FGGY: variants seen among roughly 807,000 people sequenced by gnomAD.
FGGY encodes FGGY carbohydrate kinase domain containing.
FGGY carries 72 observed loss-of-function variants against 71.3 expected under a neutral mutation model. That is an observed-to-expected ratio of 1.01 (90% CI 0.84 to 1.23). The LOEUF is 1.23. Ranked by LOEUF, FGGY falls within the 50% of genes most tolerant of loss-of-function variation. FGGY has a pLI of 0.00. For missense variants in FGGY, 668 were observed against 682.3 expected, an observed-to-expected ratio of 0.98 and a Z score of 0.23; for synonymous variants, 251 against 250.3, an observed-to-expected ratio of 1.00 and a Z score of -0.02.
At chr1:59,316,943 T>G (rs992621256) in intron 1 of FGGY, among the ~76,000 whole-genome samples, 1 of 152,166 alleles carries the variant, frequency 6.6e-6, no homozygotes, top group African/African-American at 2.4e-5. Flanking sequence ...CTAAGAAGAA[T>G]GAAATGAAAC....
At chr1:59,679,407 A>G (rs1197958628) in intron 14 of FGGY, among the ~76,000 whole-genome samples, 1 of 151,424 alleles carries the variant, frequency 6.6e-6, no homozygotes, top group Admixed American at 6.6e-5. Flanking sequence ...TAGTTTCCAG[A>G]GGTTAGAAAA....
At chr1:59,399,760 G>A (rs781249496) in intron 5 of FGGY, among the ~76,000 whole-genome samples, 4 of 152,246 alleles carry the variant, frequency 2.6e-5, no homozygotes, top group African/African-American at 4.8e-5. Context: ...CACTTCTTAA[G>A]AATGGATTCT....
rs143506739 is a variant in FGGY, at chr1:59,507,620, C to T, written c.671-4691C>T. 4.5e-3 allele frequency among the ~76,000 whole-genome samples: 676 copies of T among 151,452 alleles called. 4 individuals carry two copies. The highest frequency in any genetic ancestry group is 0.016 in the African/African-American group (648 of 41,186). On this transcript the variant is annotated intron_variant, in intron 6 of 15. Coordinates refer to ENST00000303721, the MANE Select transcript of FGGY (RefSeq NM_018291.5). ...CAACCTCTGCCTTCCTGGGTTCAAG[C>T]GATTCTCCTGCTTCAGCCTCCCAAG...
chr1:59,536,444 A>G (rs1051607879), intron 7 of FGGY, among the ~76,000 whole-genome samples: 1 of 152,204 alleles, frequency 6.6e-6, no homozygotes, highest in Non-Finnish European at 1.5e-5. Flanking sequence ...ATTCCAATCA[A>G]TAGAAAAAGA....
At chr1:59,452,948 A>G (rs1440436661) in intron 5 of FGGY, among the ~76,000 whole-genome samples, 1 of 152,232 alleles carries the variant, frequency 6.6e-6, no homozygotes, top group Non-Finnish European at 1.5e-5. Flanking sequence ...AAAGAGGGCA[A>G]GTTGCTAAAA....
Position 59,401,714 on chromosome 1 carries a change from G to A in FGGY, c.554+22877G>A, listed in dbSNP as rs74322860. Among the ~76,000 whole-genome samples the A allele has an allele frequency of 5.2e-4, 79 of 152,260 alleles. 1 individual carries two copies. In the East Asian group the frequency reaches 5.2e-3, roughly 10 times the overall value. On this transcript the variant is annotated intron_variant, in intron 5 of 15. Coordinates refer to ENST00000303721, the MANE Select transcript of FGGY (RefSeq NM_018291.5). ...CTTGTAAGCCACTCAACAAGTATTG[G>A]CCAGTTAAACTAATGAATTCCCTCA...
intron 8 of FGGY, among the ~76,000 whole-genome samples, chr1:59,592,560 A>T (rs1292193993): frequency 3.3e-5 from 5 of 152,202 alleles, no homozygotes; most frequent in Non-Finnish European, 7.3e-5. Context: ...GATAGACTGG[A>T]TTAAGAAAAT....
intron 6 of FGGY, among the ~76,000 whole-genome samples, chr1:59,462,553 T>G (rs975005130): frequency 2.0e-5 from 3 of 152,192 alleles, no homozygotes; most frequent in African/African-American, 7.2e-5. Flanking sequence ...TTTCGCAACC[T>G]ACTTATCTGA....
chr1:59,374,447 CT>C (rs1433403565), intron 4 of FGGY, among the ~76,000 whole-genome samples: 2 of 152,192 alleles, frequency 1.3e-5, no homozygotes, highest in Non-Finnish European at 2.9e-5. Context: ...CACTTTTACA[CT>C]GTTGTTGGGA....
rs191830514 is a variant in FGGY, at chr1:59,301,831, A to C, written c.-15+4681A>C. On this transcript the variant is annotated intron_variant, in intron 1 of 15. Transcript: ENST00000303721. Reference sequence around the variant, plus strand: ...CAGGTTCAAGCGATTCTCCTGCCTCAGCTTCCCGAGCAGCTGGGATTACAG... The same window carrying C: ...CAGGTTCAAGCGATTCTCCTGCCTCCGCTTCCCGAGCAGCTGGGATTACAG... Among the ~76,000 whole-genome samples the C allele has an allele frequency of 1.6e-3, 233 of 147,378 alleles. 1 individual carries two copies. The highest frequency in any genetic ancestry group is 5.7e-3 in the African/African-American group (225 of 39,744).
At chr1:59,679,847 C>T (rs1304327080) in intron 14 of FGGY, among the ~76,000 whole-genome samples, 3 of 152,078 alleles carry the variant, frequency 2.0e-5, no homozygotes, top group Non-Finnish European at 2.9e-5. Flanking sequence ...GCTTATTTCA[C>T]CAGTCCTCCA....
At chr1:59,559,136 C>G (rs371085685) in intron 8 of FGGY, among the ~76,000 whole-genome samples, 9 of 152,252 alleles carry the variant, frequency 5.9e-5, no homozygotes, top group African/African-American at 2.2e-4. Context: ...GAAGTACATT[C>G]TCAGCTTATG....
intron 8 of FGGY, among the ~76,000 whole-genome samples, chr1:59,570,577 C>T (rs2095967903): frequency 1.3e-5 from 2 of 152,140 alleles, no homozygotes; most frequent in Admixed American, 1.3e-4. Flanking sequence ...CTTATTTTCT[C>T]ATGGAAAGCA....
chr1:59,590,874 G>A (rs1353431559), intron 8 of FGGY, among the ~76,000 whole-genome samples: 1 of 152,078 alleles, frequency 6.6e-6, no homozygotes, highest in Non-Finnish European at 1.5e-5. Context: ...TTTGAAAACT[G>A]GCACAAGACA....
chr1:59,362,420 A>T (rs79027488), intron 4 of FGGY, among the ~76,000 whole-genome samples: 6 of 152,180 alleles, frequency 3.9e-5, no homozygotes, highest in Admixed American at 2.0e-4. Flanking sequence ...CACTCTCCAC[A>T]CAAGGACTGA....
chr1:59,635,581 G>A (rs1406409100), intron 10 of FGGY, among the ~76,000 whole-genome samples: 1 of 150,712 alleles, frequency 6.6e-6, no homozygotes, highest in African/African-American at 2.4e-5. Context: ...TTTACTTTAA[G>A]AACAGTGGCT....
chr1:59,374,797 C>G (rs1185437906), intron 4 of FGGY, among the ~76,000 whole-genome samples: 8 of 151,354 alleles, frequency 5.3e-5, no homozygotes, highest in Non-Finnish European at 8.8e-5. Context: ...TCTCAGTAAA[C>G]TATCGCAAGA....
At chr1:59,574,307 G>T (rs1311115835) in intron 8 of FGGY, among the ~76,000 whole-genome samples, 1 of 152,088 alleles carries the variant, frequency 6.6e-6, no homozygotes, top group East Asian at 1.9e-4. Flanking sequence ...TGGTTTCATT[G>T]CCTCCTCCTC....
At chr1:59,411,983 G>A (rs2063673386) in intron 5 of FGGY, among the ~76,000 whole-genome samples, 1 of 152,106 alleles carries the variant, frequency 6.6e-6, no homozygotes, top group Non-Finnish European at 1.5e-5. Flanking sequence ...CCAGTGCACT[G>A]ACACTTCCGT....
Sources: allele counts gnomAD v4.1 joint callset (sites outside exome capture counted in the v4.1 genomes callset), GRCh38; gene constraint gnomAD v4.1.1; transcripts MANE v1.5; gene names NCBI Gene and HGNC (gene_info 2026-07-23, HGNC 2026-07-21).